VAT1L: variants seen among roughly 807,000 people sequenced by gnomAD.
VAT1L encodes the protein vesicle amine transport 1 like, also known as putative NADPH-dependent quinone oxidoreductase VAT1L.
VAT1L carries 34 observed loss-of-function variants against 44.1 expected under a neutral mutation model. The ratio of observed to expected loss-of-function variants is 0.77; its 90% CI spans 0.59 to 1.03. The LOEUF (loss-of-function observed/expected upper bound fraction) is 1.03, where lower values mean the gene tolerates loss of function less well. Among genes scored for constraint, VAT1L ranks in the 50% least tolerant of loss-of-function variants. The pLI is 0.00. For missense variants in VAT1L, 615 were observed against 538.8 expected (o/e 1.14, Z -1.40); for synonymous variants, 253 against 202.2 (o/e 1.25, Z -2.13).
chr16:77,806,327 A>C (rs2016158277), intron 1 of VAT1L, among the ~76,000 whole-genome samples: 1 of 152,040 alleles, frequency 6.6e-6, no homozygotes, highest in Non-Finnish European at 1.5e-5. Context: ...CTCCTGCCTC[A>C]GCCTCCCAAG....
chr16:77,886,168 T>A (rs2017207287), intron 7 of VAT1L, among the ~76,000 whole-genome samples: 2 of 152,228 alleles, frequency 1.3e-5, no homozygotes. Flanking sequence ...CTAAATCGTA[T>A]CAGATAATTG....
chr16:77,939,793 A>AC, intron 7 of VAT1L, among the ~76,000 whole-genome samples: 1 of 152,280 alleles, frequency 6.6e-6, no homozygotes, highest in South Asian at 2.1e-4. Context: ...TAATCATTAC[A>AC]CCCTCAGAAA....
chr16:77,955,263 G>C (rs866242458), intron 7 of VAT1L, among the ~76,000 whole-genome samples: 19 of 152,302 alleles, frequency 1.2e-4, no homozygotes, highest in Middle Eastern at 3.4e-3. Context: ...AGGGACATTT[G>C]GCAATGCCTG....
intron 7 of VAT1L, among the ~76,000 whole-genome samples, chr16:77,918,485 C>G (rs1178746668): frequency 6.6e-6 from 1 of 152,100 alleles, no homozygotes; most frequent in Non-Finnish European, 1.5e-5. Context: ...CGTTAGACTC[C>G]TTCACTGGCC....
intron 4 of VAT1L, among the ~76,000 whole-genome samples, chr16:77,869,360 T>C (rs1237000370): frequency 6.6e-6 from 1 of 152,210 alleles, no homozygotes; most frequent in Non-Finnish European, 1.5e-5. Flanking sequence ...AAAGTGGGAC[T>C]GGAGCTCCAT....
intron 7 of VAT1L, among the ~76,000 whole-genome samples, chr16:77,885,636 G>GT (rs148362861): frequency 0.019 from 2,825 of 149,124 alleles, 77 homozygotes; most frequent in African/African-American, 0.063. Flanking sequence ...ATGTGGGAAT[G>GT]TTTTTTTTTT....
chr16:77,962,778 AAG>A, intron 7 of VAT1L, among the ~76,000 whole-genome samples: 1 of 151,554 alleles, frequency 6.6e-6, no homozygotes, highest in East Asian at 2.0e-4. Context: ...GAAGGAAGGA[AAG>A]AAAGAGAAAA....
At chr16:77,876,592 C>A (rs2017089809) in intron 5 of VAT1L, 119 bp downstream of exon 5, 4 of 807,952 alleles carry the variant, frequency 5.0e-6, no homozygotes, top group South Asian at 1.7e-5. Context: ...GGGGGTGTTT[C>A]ATTTTTTAAT....
At chr16:77,924,018 A>T (rs2017640171) in intron 7 of VAT1L, among the ~76,000 whole-genome samples, 1 of 151,894 alleles carries the variant, frequency 6.6e-6, no homozygotes, top group African/African-American at 2.4e-5. Context: ...GACACACAAG[A>T]AGTTGCATCC....
chr16:77,889,914 C>T (rs1437413778), intron 7 of VAT1L, among the ~76,000 whole-genome samples: 1 of 151,906 alleles, frequency 6.6e-6, no homozygotes, highest in African/African-American at 2.4e-5. Flanking sequence ...GGGTGAAGCC[C>T]CATCTCTACT....
rs958791869 is a variant in VAT1L, at chr16:77,897,816, C to A, written c.1077+13014C>A. 2.0e-5 allele frequency among the ~76,000 whole-genome samples: 3 copies of A among 152,130 alleles called. No homozygotes were observed. The East Asian group carries it at 5.8e-4, about 29-fold the overall frequency. ...ACCCTTCCACTTCCTAGTGGTTTGT[C>A]CTGTAGCACTTCATTTTTCTCTTCC... On this transcript the variant is annotated intron_variant, in intron 7 of 8. Transcript: ENST00000302536.
At chr16:77,971,767 A>C (rs1433444611) in intron 7 of VAT1L, 83 bp from the exon 8 acceptor site, 1 of 1,434,874 alleles carries the variant, frequency 7.0e-7, no homozygotes, top group Non-Finnish European at 9.5e-7. Context: ...TGGTCACTTG[A>C]CAGTTTGAGT....
chr16:77,963,505 C>T (rs1161890621), intron 7 of VAT1L, among the ~76,000 whole-genome samples: 1 of 152,160 alleles, frequency 6.6e-6, no homozygotes, highest in Admixed American at 6.5e-5. Flanking sequence ...CCATTTCAAA[C>T]TTTTGACCTC....
At chr16:77,864,537 T>G (rs2016950238) in intron 4 of VAT1L, among the ~76,000 whole-genome samples, 1 of 151,948 alleles carries the variant, frequency 6.6e-6, no homozygotes, top group Non-Finnish European at 1.5e-5. Context: ...TCCCGAGAGG[T>G]AGAGGTTGCA....
In VAT1L at chr16:77,876,418, CA is replaced by C. The variant is rs1433239509; in HGVS notation, c.773del (p.Asn258ThrfsTer24). The stretch of plus-strand genomic sequence containing the variant: ...TCGTTTTGGATTGCCTCTGTGGGGA[CA>C]ACACTGGAAAAGGTCTCAGTCTTCT... ...DIVLDCLCGD[N>X]TGKGLSLLKP... On this transcript the variant is annotated frameshift_variant, in exon 5 of 9. Transcript: ENST00000302536. LOFTEE classifies it high-confidence loss of function. The C allele has an allele frequency of 1.9e-6, 3 of 1,614,038 alleles. No individual in the cohort carries two copies. The highest frequency in any genetic ancestry group is 2.5e-6 in the Non-Finnish European group (3 of 1,180,044).
intron 7 of VAT1L, among the ~76,000 whole-genome samples, chr16:77,927,049 A>G (rs2017676910): frequency 6.6e-6 from 1 of 151,942 alleles, no homozygotes; most frequent in Admixed American, 6.6e-5. Flanking sequence ...ACACATCAAC[A>G]CTGTTATGGC....
chr16:77,926,901 G>T (rs1597102582), intron 7 of VAT1L, among the ~76,000 whole-genome samples: 1 of 152,078 alleles, frequency 6.6e-6, no homozygotes, highest in African/African-American at 2.4e-5. Context: ...CTCTATCGTG[G>T]CTACCCCTGA....
chr16:77,979,569 T>G lies in VAT1L; in HGVS notation c.*1874T>G, dbSNP rs2018377544. On this transcript the variant is annotated 3_prime_UTR_variant, in exon 9 of 9. Coordinates refer to ENST00000302536, the MANE Select transcript of VAT1L (RefSeq NM_020927.3). ...CAGAGCTGAAGGAGTGAAGAGCCCT[T>G]GGCCATACTAGGGCTCTCCTTCCCC... The G allele has an allele frequency of 6.6e-6, 1 of 152,148 alleles. No homozygotes were observed. The highest frequency in any genetic ancestry group is 1.5e-5 in the Non-Finnish European group (1 of 68,036). The allele number at this position is 152,148 out of a possible 1,614,324, so 9.4% of individuals were successfully genotyped here.
chr16:77,915,101 G>C (rs905519565), intron 7 of VAT1L, among the ~76,000 whole-genome samples: 1 of 152,036 alleles, frequency 6.6e-6, no homozygotes, highest in East Asian at 1.9e-4. Flanking sequence ...CTCCAGCCTG[G>C]GTGACAAGAG....
Sources: allele counts gnomAD v4.1 joint callset (sites outside exome capture counted in the v4.1 genomes callset), GRCh38; gene constraint gnomAD v4.1.1; transcripts MANE v1.5; gene names NCBI Gene and HGNC (gene_info 2026-07-23, HGNC 2026-07-21).